Variants in SNCG observed in about 807,000 individuals in gnomAD.
SNCG encodes gamma-synuclein.
SNCG carries 13 observed loss-of-function variants against 16.0 expected under a neutral mutation model. The ratio of observed to expected loss-of-function variants is 0.81; its 90% confidence interval spans 0.53 to 1.29. The LOEUF is 1.29. Among genes scored for constraint, SNCG ranks in the 50% most tolerant of loss-of-function variants. SNCG has a pLI of 0.00. For missense variants in SNCG, 154 were observed against 168.5 expected, an observed-to-expected ratio of 0.91 and a Z score of 0.48; for synonymous variants, 66 against 66.3, an observed-to-expected ratio of 1.00 and a Z score of 0.02.
chr10:86,957,394 T>G (rs769622805), upstream of SNCG: 1 of 1,613,366 alleles, frequency 6.2e-7, no homozygotes, highest in Non-Finnish European at 8.5e-7. Context: ...ACGGGGTCCT[T>G]GCCGGTGTCC....
Position 86,959,655 on chromosome 10 carries a change from T to A in SNCG, c.144T>A (p.Val48=), listed in dbSNP as rs761438076. The change falls in exon 2 of 5, where the codon GTT becomes GTA. Residue 48 remains valine, a synonymous_variant. Transcript: ENST00000372017. This position sits in a 1 kb window ranked among gnomAD's most constrained non-coding sequence, Gnocchi z 4.3. ...CAGGAGCCAAGACCAAGGAGAATGT[T>A]GTACAGAGCGTGACCTCAGGTGAGA... ...MYVGAKTKEN[V]VQSVTSVAEK... is the part of the protein sequence containing the mutation. The A allele has an allele frequency of 5.6e-6, 9 of 1,613,012 alleles. No individual in the cohort carries two copies. The highest frequency in any genetic ancestry group is 6.8e-6 in the Non-Finnish European group (8 of 1,179,596).
intron 3 of SNCG, among the ~76,000 whole-genome samples, chr10:86,961,498 T>C (rs916003883): frequency 7.9e-5 from 12 of 151,968 alleles, no homozygotes; most frequent in Admixed American, 2.6e-4. Flanking sequence ...CCCAGGGGGC[T>C]CCTCCCTCCT....
At chr10:86,958,500 C>CGACCA, upstream of SNCG, 2 of 1,098,594 alleles carry the variant, frequency 1.8e-6, no homozygotes, top group Non-Finnish European at 2.3e-6. Context: ...ACCTCCTTCC[C>CGACCA]TCCCTCCCTC....
upstream of SNCG, among the ~76,000 whole-genome samples, chr10:86,956,424 G>A (rs143098809): frequency 2.5e-4 from 38 of 152,318 alleles, no homozygotes; most frequent in Middle Eastern, 3.4e-3. Flanking sequence ...CCGCACAGAA[G>A]TGTAAGTTGG....
chr10:86,960,934 G>C (rs1844337409), intron 3 of SNCG, among the ~76,000 whole-genome samples: 1 of 152,204 alleles, frequency 6.6e-6, no homozygotes, highest in African/African-American at 2.4e-5. Flanking sequence ...TGTGCCCAAG[G>C]TCCCATGGCT....
Position 86,963,239 on chromosome 10 carries a change from T to A in SNCG, c.*254T>A, listed in dbSNP as rs994813672. ...AATTTTTTTTTTAAATGATTCCAAA[T>A]AAAACTTGAGCCCACTCCTGCCATG... On this transcript the variant is annotated 3_prime_UTR_variant, in exon 5 of 5. Coordinates refer to ENST00000372017, the MANE Select transcript of SNCG (RefSeq NM_003087.3). The A allele has an allele frequency of 7.2e-6, 3 of 415,260 alleles. No homozygotes were observed. The highest frequency in any genetic ancestry group is 4.1e-5 in the African/African-American group (2 of 48,214). 25.7% of individuals were successfully genotyped at this position (415,260 alleles called of 1,614,324 possible).
rs754671914 is a variant in SNCG, at chr10:86,962,571, A to G, written c.292-33A>G. 9.7e-6 allele frequency: 15 copies of G among 1,550,988 alleles called. No individual in the cohort carries two copies. In the Middle Eastern group the frequency reaches 5.0e-4, roughly 52 times the overall value. On this transcript the variant is annotated intron_variant, in intron 3 of 4. Coordinates refer to ENST00000372017, the MANE Select transcript of SNCG (RefSeq NM_003087.3). ...GCAGCTAGGGGTCTCTGCATTCTCC[A>G]CATGGTCTCATGCCCCCTTTTGTCC...
At chr10:86,962,182 C>G (rs74150418) in intron 3 of SNCG, among the ~76,000 whole-genome samples, 12 of 152,304 alleles carry the variant, frequency 7.9e-5, no homozygotes, top group Non-Finnish European at 1.3e-4. Flanking sequence ...GCATGCCAAG[C>G]CTCCCTGGCC....
At chr10:86,955,993 G>A (rs977829847), upstream of SNCG, among the ~76,000 whole-genome samples, 2 of 152,168 alleles carry the variant, frequency 1.3e-5, no homozygotes, top group Non-Finnish European at 2.9e-5. Context: ...GGGTGGGGAG[G>A]AAGAGGAGCA....
rs538110007 is a variant in SNCG at position 86,959,520 on chromosome 10, A to G, written c.122-113A>G. On this transcript the variant is annotated intron_variant, in intron 1 of 4. Transcript: ENST00000372017. This position sits in a 1 kb window ranked among gnomAD's most constrained non-coding sequence, Gnocchi z 4.3. ...AAGGGGCCGCCGGCCCCCAGACACC[A>G]TCCTTACCCCCCCACCGACCCCACA... 7 of 756,092 alleles carry G rather than the reference A, an allele frequency of 9.3e-6. No individual in the cohort carries two copies. In the African/African-American group the frequency reaches 1.1e-4, roughly 12 times the overall value. 46.8% of individuals were successfully genotyped at this position (756,092 alleles called of 1,614,324 possible).
chr10:86,958,801 A>AG lies in SNCG; in HGVS notation c.109dup (p.Val37GlyfsTer74). The stretch of plus-strand genomic sequence containing the variant: ...ACGGAAGCAGCTGAGAAGACCAAGG[A>AG]GGGGGTCATGTATGTGGGTAAGTGG... On this transcript the variant is annotated frameshift_variant, in exon 1 of 5. Transcript: ENST00000372017. LOFTEE classifies it high-confidence loss of function. The AG allele has an allele frequency of 6.2e-7, 1 of 1,610,324 alleles. No homozygotes were observed. The highest frequency in any genetic ancestry group is 8.5e-7 in the Non-Finnish European group (1 of 1,178,068).
At chr10:86,958,037 CCA>C, upstream of SNCG, 1 of 985,394 alleles carries the variant, frequency 1.0e-6, no homozygotes, top group South Asian at 4.7e-5. Context: ...CAGCATGCAG[CCA>C]GAGGCCAAGG....
chr10:86,960,630 C>G (rs1186943424), intron 3 of SNCG, among the ~76,000 whole-genome samples: 1 of 152,140 alleles, frequency 6.6e-6, no homozygotes, highest in East Asian at 1.9e-4. Flanking sequence ...TGCTTCTGAC[C>G]CTACCCTCTG....
At chr10:86,962,874 G>C in intron 4 of SNCG, 91 bp from the exon 5 acceptor site, 1 of 1,448,358 alleles carries the variant, frequency 6.9e-7, no homozygotes, top group Non-Finnish European at 9.4e-7. Context: ...CTCAGGCATG[G>C]GGCACAGAAG....
Position 86,958,620 on chromosome 10 carries a change from C to T in SNCG, c.-78C>T, listed in dbSNP as rs1844278813. 5.6e-6 allele frequency: 9 copies of T among 1,594,566 alleles called. No individual in the cohort carries two copies. Among genetic ancestry groups the T allele is most frequent in the East Asian group, 4.6e-5 (2 of 43,796 alleles). On this transcript the variant is annotated 5_prime_UTR_variant, in exon 1 of 5. Transcript: ENST00000372017. ...CGGGGACAGCCGCTGCGGCAGCACT[C>T]GAGCCAGCTCAAGCCCGCAGCTCGC...
intron 3 of SNCG, among the ~76,000 whole-genome samples, chr10:86,961,545 C>T (rs1265087576): frequency 6.6e-6 from 1 of 152,094 alleles, no homozygotes; most frequent in East Asian, 1.9e-4. Flanking sequence ...TGAGGGTGCC[C>T]GGGCATTCCT....
upstream of SNCG, chr10:86,958,298 C>T: frequency 1.0e-6 from 1 of 984,810 alleles, no homozygotes; most frequent in Non-Finnish European, 1.2e-6. Context: ...ACACAGCACC[C>T]CTGGGGCCAA....
chr10:86,958,555 G>C, upstream of SNCG: 7 of 1,433,906 alleles, frequency 4.9e-6, no homozygotes, highest in Non-Finnish European at 6.4e-6. Context: ...GCTCCAGCTG[G>C]CCTCCGCATC....
intron 4 of SNCG, 39 bp downstream of exon 4, chr10:86,962,714 C>T: frequency 6.5e-7 from 1 of 1,528,962 alleles, no homozygotes; most frequent in Non-Finnish European, 9.0e-7. Context: ...TGGGGGGTTC[C>T]TTGGTAGGGA....
Sources: gnomAD v4.1 joint callset for allele counts (sites outside exome capture counted in the v4.1 genomes callset) on GRCh38, gnomAD v4.1.1 for gene constraint, Gnocchi (gnomAD v3.1) non-coding constraint, MANE v1.5 for transcripts, NCBI Gene and HGNC (gene_info 2026-07-23, HGNC 2026-07-21) for gene names.